The following KIRREL3 variants were observed in gnomAD, a reference collection of about 807,000 sequenced individuals.
KIRREL3 encodes kin of IRRE-like protein 3.
A neutral mutation model predicts 89.7 loss-of-function variants in KIRREL3; 36 were observed. The ratio of observed to expected loss-of-function variants is 0.40; its 90% CI spans 0.31 to 0.53. The LOEUF (loss-of-function observed/expected upper bound fraction) is 0.53, where lower values mean the gene tolerates loss of function less well. Ranked by LOEUF, KIRREL3 falls within the 20% of genes least tolerant of loss-of-function variation. The pLI, the probability that KIRREL3 is intolerant of heterozygous loss-of-function variation, is 0.49. For missense variants in KIRREL3, 864 were observed against 1,056.6 expected, an observed-to-expected ratio of 0.82 and a Z score of 2.53; for synonymous variants, 445 against 441.4, an observed-to-expected ratio of 1.01 and a Z score of -0.10.
rs1262719439 is a variant in KIRREL3 at position 126,431,555 on chromosome 11, G to A, written c.1589-29C>T. 3 of 1,594,458 alleles carry A rather than the reference G, an allele frequency of 1.9e-6. No homozygotes were observed. Among genetic ancestry groups the A allele is most frequent in the East Asian group, 2.2e-5 (1 of 44,700 alleles). On this transcript the variant is annotated intron_variant, in intron 13 of 16. Transcript: ENST00000525144. This position sits in a 1 kb window ranked among gnomAD's most constrained non-coding sequence, Gnocchi z 7.1. Reference sequence around the variant, plus strand: ...TGGGAGAGAAGCGGGCACAGCTGATGACGGATGGGGAATGGCCTACTATCC... The same window carrying A: ...TGGGAGAGAAGCGGGCACAGCTGATAACGGATGGGGAATGGCCTACTATCC...
intron 1 of KIRREL3, among the ~76,000 whole-genome samples, chr11:126,911,495 C>A (rs2134908053): frequency 6.6e-6 from 1 of 152,316 alleles, no homozygotes; most frequent in South Asian, 2.1e-4. Context: ...TTCACGGCCT[C>A]ACTGGCCACG....
intron 1 of KIRREL3, among the ~76,000 whole-genome samples, chr11:126,714,683 T>G (rs1947889919): frequency 1.3e-5 from 2 of 152,138 alleles, no homozygotes; most frequent in Non-Finnish European, 2.9e-5. Flanking sequence ...TTGCACACAG[T>G]GGTATCTACA....
intron 10 of KIRREL3, among the ~76,000 whole-genome samples, chr11:126,444,415 T>C (rs777579797): frequency 1.4e-4 from 22 of 152,180 alleles, no homozygotes; most frequent in Non-Finnish European, 2.1e-4. Context: ...GGTGGCTCAC[T>C]TGAGGTTAGG....
chr11:126,688,336 A>C (rs1946746223), intron 1 of KIRREL3, among the ~76,000 whole-genome samples: 1 of 152,238 alleles, frequency 6.6e-6, no homozygotes, highest in African/African-American at 2.4e-5. Context: ...ACTGGAAGAC[A>C]TGCCTCTGTG....
In KIRREL3 at chr11:126,989,773, T is replaced by C. The variant is rs566905653; in HGVS notation, c.55+10682A>G. 1.6e-4 allele frequency among the ~76,000 whole-genome samples: 25 copies of C among 152,270 alleles called. No homozygotes were observed. The highest frequency in any genetic ancestry group is 9.1e-4 in the Admixed American group (14 of 15,308). On this transcript the variant is annotated intron_variant, in intron 1 of 16. Transcript: ENST00000525144. The surrounding 1 kb of genome is among the most constrained non-coding windows in gnomAD (Gnocchi z 6.2). ...TTCCCCCGGTGTCTCTCCTGCAGCATGAAGGCCATTGTTTCCAGGGCCTGT... is the reference window on the plus strand; with the variant it reads ...TTCCCCCGGTGTCTCTCCTGCAGCACGAAGGCCATTGTTTCCAGGGCCTGT...
chr11:126,789,460 T>A (rs1444286856), intron 1 of KIRREL3, among the ~76,000 whole-genome samples: 2 of 152,220 alleles, frequency 1.3e-5, no homozygotes. Context: ...GCCATTCCAC[T>A]TCTCTGTATC....
rs1949076979 is a variant in KIRREL3, at chr11:126,744,392, C to G, written c.56-181480G>C. On this transcript the variant is annotated intron_variant, in intron 1 of 16. Transcript: ENST00000525144. The surrounding 1 kb of genome is among the most constrained non-coding windows in gnomAD (Gnocchi z 4.7). The stretch of plus-strand genomic sequence containing the variant: ...AAAGGGAAGCTGGAGGCAGGGAGGT[C>G]AGGACTGCCATACTGTCCCAGACAT... Among the ~76,000 whole-genome samples the G allele has an allele frequency of 6.6e-6, 1 of 152,144 alleles. No individual in the cohort carries two copies. The highest frequency in any genetic ancestry group is 1.5e-5 in the Non-Finnish European group (1 of 68,030).
rs1941441687 is a variant in KIRREL3 at position 126,579,721 on chromosome 11, G to C, written c.56-16809C>G. Among the ~76,000 whole-genome samples, 1 of 152,104 alleles carries C rather than the reference G, an allele frequency of 6.6e-6. No individual in the cohort carries two copies. Among genetic ancestry groups the C allele is most frequent in the African/African-American group, 2.4e-5 (1 of 41,404 alleles). ...ACAATGCTTCCAGGTTACCACTGCTGGTAAGCAATGTGCCCAACCACCCTC... is the reference window on the plus strand; with the variant it reads ...ACAATGCTTCCAGGTTACCACTGCTCGTAAGCAATGTGCCCAACCACCCTC... On this transcript the variant is annotated intron_variant, in intron 1 of 16. Transcript: ENST00000525144. The surrounding 1 kb of genome is among the most constrained non-coding windows in gnomAD (Gnocchi z 5.3).
chr11:126,556,524 C>T (rs1227630238), intron 2 of KIRREL3, among the ~76,000 whole-genome samples: 1 of 152,132 alleles, frequency 6.6e-6, no homozygotes, highest in Non-Finnish European at 1.5e-5. Context: ...GCTTGTTCTT[C>T]TGGCTACTTG....
chr11:126,984,407 C>T (rs1949799642), intron 1 of KIRREL3, among the ~76,000 whole-genome samples: 1 of 152,108 alleles, frequency 6.6e-6, no homozygotes, highest in African/African-American at 2.4e-5. Flanking sequence ...TGCTCTATGC[C>T]TTCAAGCAGG....
rs572793427 is a variant in KIRREL3 at position 126,727,236 on chromosome 11, A to AGGCC, written c.56-164328_56-164325dup. On this transcript the variant is annotated intron_variant, in intron 1 of 16. Coordinates refer to ENST00000525144, the MANE Select transcript of KIRREL3 (RefSeq NM_032531.4). ...CAGCTTCTGTGGCTATTCCCCTTGG[A>AGGCC]GGCCGGCTGGCCACTCTCCCTGCAC... Among the ~76,000 whole-genome samples the AGGCC allele has an allele frequency of 8.7e-3, 1,330 of 152,328 alleles. 19 individuals are homozygous for AGGCC. The highest frequency in any genetic ancestry group is 0.029 in the African/African-American group (1,185 of 41,570).
rs915273081 is a variant in KIRREL3, at chr11:126,495,126, C to G, written c.434-21660G>C. On this transcript the variant is annotated intron_variant, in intron 4 of 16. Coordinates refer to ENST00000525144, the MANE Select transcript of KIRREL3 (RefSeq NM_032531.4). The surrounding 1 kb of genome is among the most constrained non-coding windows in gnomAD (Gnocchi z 6.5). The stretch of plus-strand genomic sequence containing the variant: ...CAGGCAAGTCCCAAGGTCTGTTGCT[C>G]GGACCCTGGGCTGTGCTGTGTGTGG... Among the ~76,000 whole-genome samples, 1 of 152,160 alleles carries G rather than the reference C, an allele frequency of 6.6e-6. No individual in the cohort carries two copies. Among genetic ancestry groups the G allele is most frequent in the Non-Finnish European group, 1.5e-5 (1 of 68,018 alleles).
intron 1 of KIRREL3, among the ~76,000 whole-genome samples, chr11:126,923,213 CT>C (rs1325356386): frequency 0.041 from 791 of 19,146 alleles, 179 homozygotes; most frequent in African/African-American, 0.12. Context: ...TCTTCTTCTT[CT>C]TCTTCTTCTT....
rs1251141546 is a variant in KIRREL3 at position 126,475,507 on chromosome 11, A to G, written c.434-2041T>C. Among the ~76,000 whole-genome samples, 3 of 152,060 alleles carry G rather than the reference A, an allele frequency of 2.0e-5. No homozygotes were observed. The highest frequency in any genetic ancestry group is 2.0e-4 in the Admixed American group (3 of 15,274). On this transcript the variant is annotated intron_variant, in intron 4 of 16. Coordinates refer to ENST00000525144, the MANE Select transcript of KIRREL3 (RefSeq NM_032531.4). The surrounding 1 kb of genome is among the most constrained non-coding windows in gnomAD (Gnocchi z 7.5). ...CAGCAGTGCCATTTCCTGAGGAACA[A>G]GCAACCTCCCAGGGCTTCCGAGAAG...
chr11:126,956,117 G>A (rs1019793986), intron 1 of KIRREL3, among the ~76,000 whole-genome samples: 12 of 152,030 alleles, frequency 7.9e-5, no homozygotes, highest in African/African-American at 2.7e-4. Context: ...AGACTCTGCC[G>A]CCTCTCTACT....
rs372771168 is a variant in KIRREL3, at chr11:126,797,003, G to T, written c.55+203452C>A. ...TTTCTGGGGTGGAGGTCATATCAGGGCTGGGGACAGAAAGGCTGATCCTGT... is the reference window on the plus strand; with the variant it reads ...TTTCTGGGGTGGAGGTCATATCAGGTCTGGGGACAGAAAGGCTGATCCTGT... On this transcript the variant is annotated intron_variant, in intron 1 of 16. Transcript: ENST00000525144. The surrounding 1 kb of genome is among the most constrained non-coding windows in gnomAD (Gnocchi z 4.9). Among the ~76,000 whole-genome samples the T allele has an allele frequency of 1.3e-5, 2 of 152,202 alleles. No individual in the cohort carries two copies. Among genetic ancestry groups the T allele is most frequent in the East Asian group, 3.9e-4 (2 of 5,190 alleles).
Position 126,608,287 on chromosome 11 carries a change from C to T in KIRREL3, c.56-45375G>A, listed in dbSNP as rs923149552. ...TCCACCTGGCAGGCGTTTGGAACAACGTGCTGAATAACAGCAGCATTTGTG... is the reference window on the plus strand; with the variant it reads ...TCCACCTGGCAGGCGTTTGGAACAATGTGCTGAATAACAGCAGCATTTGTG... On this transcript the variant is annotated intron_variant, in intron 1 of 16. Transcript: ENST00000525144. The surrounding 1 kb of genome is among the most constrained non-coding windows in gnomAD (Gnocchi z 4.9). Among the ~76,000 whole-genome samples the T allele has an allele frequency of 5.3e-5, 8 of 152,332 alleles. No homozygotes were observed. The highest frequency in any genetic ancestry group is 2.1e-4 in the South Asian group (1 of 4,834).
rs939508053 is a variant in KIRREL3, at chr11:126,946,798, T to G, written c.55+53657A>C. On this transcript the variant is annotated intron_variant, in intron 1 of 16. Transcript: ENST00000525144. This position sits in a 1 kb window ranked among gnomAD's most constrained non-coding sequence, Gnocchi z 4.1. ...TGTTCTACACAGGTTTTGTTGCAAT[T>G]TATCTTCACGAAACAACCATATAAG... 1.3e-5 allele frequency among the ~76,000 whole-genome samples: 2 copies of G among 152,208 alleles called. No individual in the cohort carries two copies. Among genetic ancestry groups the G allele is most frequent in the African/African-American group, 4.8e-5 (2 of 41,450 alleles).
At chr11:126,599,149 A>G (rs574311296) in intron 1 of KIRREL3, among the ~76,000 whole-genome samples, 14 of 152,316 alleles carry the variant, frequency 9.2e-5, no homozygotes, top group Non-Finnish European at 1.3e-4. Context: ...AGAAGCTTCA[A>G]AGAACCCCAC....
Sources: gnomAD v4.1 joint callset for allele counts (sites outside exome capture counted in the v4.1 genomes callset) on GRCh38, gnomAD v4.1.1 for gene constraint, Gnocchi (gnomAD v3.1) non-coding constraint, MANE v1.5 for transcripts, NCBI Gene and HGNC (gene_info 2026-07-23, HGNC 2026-07-21) for gene names.